The following DDB1 variants were observed in gnomAD, a reference collection of about 807,000 sequenced individuals.
The protein encoded by DDB1 is DNA damage-binding protein 1.
Under a neutral mutation model 133.1 loss-of-function variants are expected in DDB1, and 18 were observed. The observed-to-expected ratio is 0.14, with a 90% CI of 0.09 to 0.20. The LOEUF (loss-of-function observed/expected upper bound fraction) is 0.20. DDB1 is among the 10% of genes least tolerant of loss of function. The probability of loss-of-function intolerance (pLI) is 1.00; values close to 1 mark genes in which losing one functional copy is unlikely to be tolerated. For synonymous variants in DDB1, 580 were observed against 550.5 expected (o/e 1.05, Z -0.75); for missense variants, 828 against 1,459.2 (o/e 0.57, Z 7.05).
chr11:61,316,131 T>C, intron 12 of DDB1, 154 bp downstream of exon 12: 1 of 665,428 alleles, frequency 1.5e-6, no homozygotes, highest in Non-Finnish European at 2.6e-6. Flanking sequence ...AGTTGTGATC[T>C]CTGAGTAGTG....
intron 20 of DDB1, 127 bp downstream of exon 20, chr11:61,309,669 T>C (rs976411884): frequency 1.1e-6 from 1 of 921,750 alleles, no homozygotes; most frequent in Non-Finnish European, 1.6e-6. Context: ...AAGAAGAGAA[T>C]AGCTCTTTAC....
chr11:61,316,673 A>C, intron 10 of DDB1, 106 bp from the exon 11 acceptor site: 6 of 1,201,734 alleles, frequency 5.0e-6, no homozygotes, highest in Admixed American at 1.8e-5. Context: ...TATAATCTCA[A>C]CACTTGGGAA....
chr11:61,327,181 T>C (rs1376811247), intron 4 of DDB1, among the ~76,000 whole-genome samples: 1 of 152,166 alleles, frequency 6.6e-6, no homozygotes, highest in Admixed American at 6.5e-5. Flanking sequence ...CTATAAGAGA[T>C]ACTGTGTGCC....
intron 25 of DDB1, 178 bp from the exon 26 acceptor site, chr11:61,301,110 C>T (rs559258722): frequency 2.1e-4 from 177 of 857,528 alleles, no homozygotes; most frequent in Non-Finnish European, 6.1e-5. Flanking sequence ...AAAATATGAC[C>T]TAATCTAATT....
At chr11:61,327,287 C>G (rs566275073) in intron 4 of DDB1, among the ~76,000 whole-genome samples, 2 of 152,072 alleles carry the variant, frequency 1.3e-5, no homozygotes, top group Non-Finnish European at 2.9e-5. Context: ...CTAGCCAACA[C>G]GGCAAAACCC....
intron 10 of DDB1, among the ~76,000 whole-genome samples, chr11:61,318,899 T>C (rs1856132504): frequency 6.6e-6 from 1 of 152,232 alleles, no homozygotes; most frequent in South Asian, 2.1e-4. Flanking sequence ...AAACACCATT[T>C]ATTAGGTCCC....
At chr11:61,318,971 G>T (rs1259025919) in intron 10 of DDB1, among the ~76,000 whole-genome samples, 1 of 152,206 alleles carries the variant, frequency 6.6e-6, no homozygotes, top group African/African-American at 2.4e-5. Flanking sequence ...GGCCAAGGCG[G>T]GAGGACCGCT....
chr11:61,323,904 G>C (rs951768701), intron 7 of DDB1, 75 bp downstream of exon 7: 1 of 1,508,008 alleles, frequency 6.6e-7, no homozygotes, highest in Non-Finnish European at 9.2e-7. Flanking sequence ...CCAGAGTTGA[G>C]GTGTGGGACC....
Position 61,314,386 on chromosome 11 carries a change from T to C in DDB1, c.1511A>G (p.Asn504Ser). ...QAKNISVASC[N>S]SSQVVVAVGR... is the part of the protein sequence containing the mutation. ...TACAGCCACCACCACCTGGCTGCTATTGCAGGAGGCCACACTGATGTTCTT... is the reference window on the plus strand; with the variant it reads ...TACAGCCACCACCACCTGGCTGCTACTGCAGGAGGCCACACTGATGTTCTT... Residue 504 changes from asparagine (N) to serine (S), a missense_variant, in exon 13 of 27, where the codon AAT (asparagine) becomes AGT (serine). Around this residue, in one of 7 missense-constraint regions of DDB1, gnomAD observed 396 missense variants for 554.1 expected, o/e 0.71. Coordinates refer to ENST00000301764, the MANE Select transcript of DDB1 (RefSeq NM_001923.5). 1.9e-6 allele frequency: 3 copies of C among 1,614,254 alleles called. No individual in the cohort carries two copies. The South Asian group carries it at 3.3e-5, about 18-fold the overall frequency.
intron 21 of DDB1, among the ~76,000 whole-genome samples, chr11:61,307,632 A>T (rs1855898910): frequency 6.6e-6 from 1 of 152,170 alleles, no homozygotes; most frequent in African/African-American, 2.4e-5. Context: ...CCAGACTTTC[A>T]GCTTTAACTG....
chr11:61,309,933 T>C lies in DDB1; in HGVS notation c.2429A>G (p.Asn810Ser), dbSNP rs768263767. 2.4e-5 allele frequency: 39 copies of C among 1,614,122 alleles called. No individual in the cohort carries two copies. Among genetic ancestry groups the C allele is most frequent in the African/African-American group, 4.0e-5 (3 of 74,938 alleles). ...EVLHAHQFLQNEYALSLVSCK... is the reference protein window; with the variant it reads ...EVLHAHQFLQSEYALSLVSCK... The stretch of plus-strand genomic sequence containing the variant: ...GGAAACCAGACTGAGGGCATATTCA[T>C]TCTGCAGAAACTGGTGGGCATGAAG... Residue 810 changes from asparagine (N) to serine (S), a missense_variant, in exon 20 of 27, where the codon AAT (asparagine) becomes AGT (serine). Physicochemically the swap from Asn to Ser is conservative, Grantham distance 46. Transcript: ENST00000301764.
chr11:61,330,645 T>C (rs1856351908), intron 2 of DDB1, among the ~76,000 whole-genome samples: 1 of 152,186 alleles, frequency 6.6e-6, no homozygotes, highest in Middle Eastern at 3.4e-3. Flanking sequence ...AAAATACTGA[T>C]GGTAATTGTT....
chr11:61,328,769 G>A (rs1856314358), intron 4 of DDB1, among the ~76,000 whole-genome samples: 1 of 152,124 alleles, frequency 6.6e-6, no homozygotes, highest in Non-Finnish European at 1.5e-5. Flanking sequence ...TACTCAGGAG[G>A]CTGAGGCAGG....
At chr11:61,311,578 C>G (rs1377181244) in intron 18 of DDB1, among the ~76,000 whole-genome samples, 1 of 152,188 alleles carries the variant, frequency 6.6e-6, no homozygotes, top group Non-Finnish European at 1.5e-5. Flanking sequence ...CAAGTAGGAA[C>G]TGTTTTTTAA....
At chr11:61,326,667 C>T (rs1159362036) in intron 5 of DDB1, 112 bp downstream of exon 5, 8 of 842,106 alleles carry the variant, frequency 9.5e-6, no homozygotes, top group Admixed American at 5.2e-5. Flanking sequence ...CAATGCACAC[C>T]TTCAATAATA....
In DDB1 at chr11:61,323,101, G is replaced by T. The variant is rs765999310; in HGVS notation, c.922-7C>A. 1 of 1,613,196 alleles carries T rather than the reference G, an allele frequency of 6.2e-7. No individual in the cohort carries two copies. Among genetic ancestry groups the T allele is most frequent in the South Asian group, 1.1e-5 (1 of 90,820 alleles). ...AGCACTCAGCAATAGAGGTCTGGAA[G>T]AAAGTCAGCAACGTGAAAGAAATGA... On this transcript the variant is annotated splice_polypyrimidine_tract_variant and splice_region_variant and intron_variant, in intron 7 of 26. Transcript: ENST00000301764.
Position 61,300,894 on chromosome 11 carries a change from G to A in DDB1, c.3254C>T (p.Ala1085Val). The A allele has an allele frequency of 6.2e-7, 1 of 1,614,168 alleles. No individual in the cohort carries two copies. Among genetic ancestry groups the A allele is most frequent in the Non-Finnish European group, 8.5e-7 (1 of 1,180,036 alleles). Residue 1085 changes from alanine (A) to valine (V), a missense_variant, in exon 26 of 27, where the codon GCC (alanine) becomes GTC (valine). Ala to Val is a moderately conservative substitution (Grantham distance 64). This residue lies in a region of DDB1 where 116 missense variants were observed against 221.6 expected (regional missense o/e 0.52). Coordinates refer to ENST00000301764, the MANE Select transcript of DDB1 (RefSeq NM_001923.5). ...SFHTERKTEPATGFIDGDLIE... is the reference protein window; with the variant it reads ...SFHTERKTEPVTGFIDGDLIE... ...CAAGTCACCGTCGATGAAACCTGTG[G>A]CTGGTTCTGTCTTCCGCTCGGTGTG...
Position 61,308,912 on chromosome 11 carries a change from A to G in DDB1, c.2661+71T>C, listed in dbSNP as rs1243776953. 5 of 1,476,560 alleles carry G rather than the reference A, an allele frequency of 3.4e-6. No homozygotes were observed. The Admixed American group carries it at 8.4e-5, about 25-fold the overall frequency. 91.5% of individuals were successfully genotyped at this position (1,476,560 alleles called of 1,614,324 possible). ...TCTGACACACACGTGGCCCCAGACAACCTAAGAGAGACACATTCTGCAGAC... is the reference window on the plus strand; with the variant it reads ...TCTGACACACACGTGGCCCCAGACAGCCTAAGAGAGACACATTCTGCAGAC... On this transcript the variant is annotated intron_variant, in intron 21 of 26. Transcript: ENST00000301764.
At chr11:61,306,316 T>G (rs1370310800) in intron 21 of DDB1, among the ~76,000 whole-genome samples, 1 of 152,176 alleles carries the variant, frequency 6.6e-6, no homozygotes, top group Admixed American at 6.5e-5. Flanking sequence ...CTGTCCCTCA[T>G]AGCACTGGAA....
Sources: allele counts gnomAD v4.1 joint callset (sites outside exome capture counted in the v4.1 genomes callset), GRCh38; gene constraint gnomAD v4.1.1; regional missense constraint gnomAD v4.1.1; transcripts MANE v1.5; gene names NCBI Gene and HGNC (gene_info 2026-07-23, HGNC 2026-07-21).